Variants in FANCA observed in about 807,000 individuals in gnomAD.
The protein encoded by FANCA is Fanconi anemia group A protein.
In FANCA, 236 loss-of-function variants were observed where a neutral mutation model predicts 194.3. The ratio of observed to expected loss-of-function variants is 1.21; its 90% CI spans 1.09 to 1.35. The LOEUF (loss-of-function observed/expected upper bound fraction) is 1.35. FANCA is among the 40% of genes most tolerant of loss of function. The probability of loss-of-function intolerance (pLI) is 0.00; values close to 1 mark genes in which losing one functional copy is unlikely to be tolerated. For missense variants in FANCA, 2,628 were observed against 1,813.9 expected, an observed-to-expected ratio of 1.45 and a Z score of -8.15; for synonymous variants, 1,014 against 715.8, an observed-to-expected ratio of 1.42 and a Z score of -6.65.
intron 10 of FANCA, chr16:89,798,861 G>T: frequency 1.3e-6 from 2 of 1,539,460 alleles, no homozygotes; most frequent in East Asian, 2.3e-5. Context: ...GGAGCAAGGG[G>T]AGACTCCACA....
intron 8 of FANCA, among the ~76,000 whole-genome samples, chr16:89,802,689 C>T (rs2040498384): frequency 6.6e-6 from 1 of 152,194 alleles, no homozygotes; most frequent in Admixed American, 6.5e-5. Context: ...AGGCATGAGC[C>T]ACCATGCCCG....
At chr16:89,765,742 G>A (rs932896416) in intron 27 of FANCA, among the ~76,000 whole-genome samples, 1 of 152,258 alleles carries the variant, frequency 6.6e-6, no homozygotes, top group Non-Finnish European at 1.5e-5. Context: ...TCCAAGGACT[G>A]TCGTCCCTGC....
chr16:89,767,783 C>T (rs1396666018), intron 26 of FANCA, among the ~76,000 whole-genome samples: 3 of 152,068 alleles, frequency 2.0e-5, no homozygotes, highest in East Asian at 1.9e-4. Context: ...CTCCTGACTT[C>T]GTGCTCCGCC....
chr16:89,795,431 G>A (rs1351647078), intron 11 of FANCA, among the ~76,000 whole-genome samples: 2 of 152,090 alleles, frequency 1.3e-5, no homozygotes, highest in African/African-American at 4.8e-5. Flanking sequence ...AAGGTCAGGA[G>A]TTCGAGGCCA....
At chr16:89,766,652 T>C (rs1328900146) in intron 27 of FANCA, among the ~76,000 whole-genome samples, 1 of 151,430 alleles carries the variant, frequency 6.6e-6, no homozygotes, top group South Asian at 2.1e-4. Flanking sequence ...GAGGTGGAGG[T>C]TGCAGTGGGC....
At chr16:89,801,714 C>T (rs979288785) in intron 8 of FANCA, among the ~76,000 whole-genome samples, 4 of 151,998 alleles carry the variant, frequency 2.6e-5, no homozygotes, top group African/African-American at 9.7e-5. Flanking sequence ...AGAGTGAAAC[C>T]TCACCTCTAC....
intron 8 of FANCA, among the ~76,000 whole-genome samples, chr16:89,801,327 G>C (rs2040444471): frequency 8.2e-6 from 1 of 122,590 alleles, no homozygotes; most frequent in African/African-American, 3.3e-5. Flanking sequence ...CCGGGCGACA[G>C]AGCAAGACTC....
At chr16:89,792,864 G>C (rs1439772120) in intron 11 of FANCA, 4 of 373,370 alleles carry the variant, frequency 1.1e-5, no homozygotes, top group Non-Finnish European at 2.1e-5. Flanking sequence ...CCACTGGATA[G>C]GGGGCCCTTC....
intron 41 of FANCA, 37 bp downstream of exon 41, chr16:89,739,096 G>C (rs759521427): frequency 6.2e-7 from 1 of 1,613,878 alleles, no homozygotes; most frequent in South Asian, 1.1e-5. Flanking sequence ...CGGCTGGGGG[G>C]AGCTCCCCTG....
intron 8 of FANCA, among the ~76,000 whole-genome samples, chr16:89,800,105 T>G (rs1050878977): frequency 4.6e-5 from 7 of 152,248 alleles, no homozygotes; most frequent in Non-Finnish European, 8.8e-5. Context: ...AAGGCTGAAC[T>G]TTCTGGAATT....
At chr16:89,772,081 C>G (rs1020309278) in intron 22 of FANCA, among the ~76,000 whole-genome samples, 6 of 152,228 alleles carry the variant, frequency 3.9e-5, no homozygotes, top group African/African-American at 1.4e-4. Flanking sequence ...CATTCACCAA[C>G]ATGAACCTCC....
chr16:89,788,767 T>A (rs1181489687), intron 14 of FANCA, among the ~76,000 whole-genome samples: 1 of 152,104 alleles, frequency 6.6e-6, no homozygotes, highest in Admixed American at 6.6e-5. Flanking sequence ...GCCACTGCAC[T>A]CCAGCCTGGG....
rs1355805026 is a variant in FANCA at position 89,783,030 on chromosome 16, T to C, written c.1543A>G (p.Lys515Glu). 6.2e-7 allele frequency: 1 copy of C among 1,614,082 alleles called. No individual in the cohort carries two copies. Among genetic ancestry groups the C allele is most frequent in the African/African-American group, 1.3e-5 (1 of 75,034 alleles). ...GCCTTGAGGTCGGCCAGCCGTGTCT[T>C]GGCCAATGAGATGTAGTCTGTGAGG... ...SLLTDYISLA[K>E]TRLADLKVSI... The change falls in exon 16 of 43, where the codon AAG (lysine) becomes GAG (glutamate). Residue 515 changes from lysine (K) to glutamate (E), a missense_variant. Lys to Glu is a moderately conservative substitution (Grantham distance 56). Transcript: ENST00000389301.
At chr16:89,799,757 G>T in intron 8 of FANCA, 119 bp from the exon 9 acceptor site, 1 of 811,624 alleles carries the variant, frequency 1.2e-6, no homozygotes, top group Non-Finnish European at 2.1e-6. Flanking sequence ...ACTTCAGGAG[G>T]CCGAGGCGGG....
At chr16:89,772,011 G>A (rs761961558) in intron 22 of FANCA, among the ~76,000 whole-genome samples, 197 bp from the exon 23 acceptor site, 2 of 152,208 alleles carry the variant, frequency 1.3e-5, no homozygotes, top group Non-Finnish European at 2.9e-5. Flanking sequence ...ATGTGTCATG[G>A]CAAATGGGGC....
Position 89,746,789 on chromosome 16 carries a change from C to T in FANCA, c.3408+42G>A, listed in dbSNP as rs886038247. The T allele has an allele frequency of 1.0e-5, 16 of 1,579,516 alleles. No individual in the cohort carries two copies. The highest frequency in any genetic ancestry group is 3.7e-5 in the Admixed American group (2 of 54,292). ...AGCTGACAGGAGGATCCACCCACGG[C>T]GTTCTGAGAAGGCCACGAGAGGGGC... is the stretch of plus-strand genomic sequence containing the variant. On this transcript the variant is annotated intron_variant, in intron 34 of 42. Transcript: ENST00000389301.
At chr16:89,740,535 C>T (rs1341329286) in intron 38 of FANCA, 1 of 514,738 alleles carries the variant, frequency 1.9e-6, no homozygotes, top group South Asian at 2.2e-5. Flanking sequence ...ACTCGGGAGG[C>T]TGATGCAGGA....
In FANCA at chr16:89,742,531, T is replaced by C. The variant is rs34027607; in HGVS notation, c.3765+269A>G. On this transcript the variant is annotated intron_variant, in intron 37 of 42. Coordinates refer to ENST00000389301, the MANE Select transcript of FANCA (RefSeq NM_000135.4). ...AGTCAAAGTCTTACTCCAAGCCAGC[T>C]GGGCGTGGTGGCTCACGCCTGTAAT... Among the ~76,000 whole-genome samples, 19,251 of 151,490 alleles carry C rather than the reference T, an allele frequency of 0.13. 1,489 individuals are homozygous for C. Among genetic ancestry groups the C allele is most frequent in the East Asian group, 0.23 (1,152 of 5,100 alleles).
At chr16:89,739,798 G>A in intron 39 of FANCA, 196 bp downstream of exon 39, 2 of 1,465,436 alleles carry the variant, frequency 1.4e-6, no homozygotes, top group Non-Finnish European at 1.8e-6. Flanking sequence ...AGGCCCATTG[G>A]TCCTGGGGTT....
Sources: gnomAD v4.1 joint callset for allele counts (sites outside exome capture counted in the v4.1 genomes callset) on GRCh38, gnomAD v4.1.1 for gene constraint, MANE v1.5 for transcripts, NCBI Gene and HGNC (gene_info 2026-07-23, HGNC 2026-07-21) for gene names.